Variants in TBC1D22B observed in about 807,000 individuals in gnomAD.
TBC1D22B encodes the protein chromosome 6 open reading frame 197.
In TBC1D22B, 32 loss-of-function variants were observed where a neutral mutation model predicts 69.1. The ratio of observed to expected loss-of-function variants is 0.46; its 90% CI spans 0.35 to 0.62. The LOEUF is 0.62. Ranked by LOEUF, TBC1D22B falls within the 20% of genes least tolerant of loss-of-function variation. The pLI is 0.00. For synonymous variants in TBC1D22B, 206 were observed against 229.8 expected (o/e 0.90, Z 0.94); for missense variants, 462 against 630.9 (o/e 0.73, Z 2.87).
intron 8 of TBC1D22B, among the ~76,000 whole-genome samples, chr6:37,298,766 C>G (rs540092856): frequency 1.3e-5 from 2 of 152,130 alleles, no homozygotes; most frequent in South Asian, 2.1e-4. Flanking sequence ...AGGATGGTCT[C>G]GATCTCCTGA....
intron 1 of TBC1D22B, among the ~76,000 whole-genome samples, chr6:37,263,257 G>A (rs1247716546): frequency 6.6e-6 from 1 of 152,320 alleles, no homozygotes; most frequent in East Asian, 1.9e-4. Flanking sequence ...AAGATGCTGT[G>A]TATGATTGAC....
chr6:37,316,177 A>G (rs1241384654), intron 10 of TBC1D22B, among the ~76,000 whole-genome samples: 1 of 152,240 alleles, frequency 6.6e-6, no homozygotes, highest in Non-Finnish European at 1.5e-5. Context: ...TTTGTTGAAT[A>G]TGGTGAAGCG....
intron 1 of TBC1D22B, 92 bp downstream of exon 1, chr6:37,258,065 G>A: frequency 7.0e-7 from 1 of 1,426,620 alleles, no homozygotes; most frequent in Non-Finnish European, 9.5e-7. Flanking sequence ...CGCCACAGAG[G>A]CCAGAAGACT....
intron 2 of TBC1D22B, among the ~76,000 whole-genome samples, chr6:37,273,411 G>A (rs1441076219): frequency 2.0e-5 from 3 of 152,170 alleles, no homozygotes; most frequent in Admixed American, 1.3e-4. Context: ...GGCACTGAGT[G>A]TAGTGTCCAT....
At chr6:37,283,032 G>A (rs1054200064) in intron 5 of TBC1D22B, 80 bp downstream of exon 5, 3 of 1,248,310 alleles carry the variant, frequency 2.4e-6, no homozygotes, top group Non-Finnish European at 2.3e-6. Flanking sequence ...GGACACATTG[G>A]TCTTAACTCC....
At chr6:37,282,400 T>A (rs1307175365) in intron 4 of TBC1D22B, 36 bp downstream of exon 4, 1 of 1,534,302 alleles carries the variant, frequency 6.5e-7, no homozygotes, top group African/African-American at 1.4e-5. Context: ...GTAGGAGCTT[T>A]GGGTGACTGG....
At chr6:37,288,141 T>G (rs554020927) in intron 7 of TBC1D22B, among the ~76,000 whole-genome samples, 6 of 152,348 alleles carry the variant, frequency 3.9e-5, no homozygotes, top group African/African-American at 1.4e-4. Flanking sequence ...TTGGGTTATA[T>G]TTATAATTTT....
chr6:37,289,743 A>G (rs1367131726), intron 7 of TBC1D22B, among the ~76,000 whole-genome samples: 1 of 152,208 alleles, frequency 6.6e-6, no homozygotes, highest in African/African-American at 2.4e-5. Context: ...GGAATTATTG[A>G]GATTTTCCTG....
chr6:37,331,509 A>G lies in TBC1D22B; in HGVS notation c.*337A>G, dbSNP rs1768581940. 1.6e-5 allele frequency: 3 copies of G among 189,312 alleles called. No individual in the cohort carries two copies. The East Asian group carries it at 3.9e-4, about 24-fold the overall frequency. The allele number at this position is 189,312 out of a possible 1,614,324, so 11.7% of individuals were successfully genotyped here. ...ATTGTCCCTACAAGGACAGGCCCCAACTGATAACCGTTGCTTTTTTTTTTT... is the reference window on the plus strand; with the variant it reads ...ATTGTCCCTACAAGGACAGGCCCCAGCTGATAACCGTTGCTTTTTTTTTTT... On this transcript the variant is annotated 3_prime_UTR_variant, in exon 13 of 13. Coordinates refer to ENST00000373491, the MANE Select transcript of TBC1D22B (RefSeq NM_017772.4).
At chr6:37,269,776 G>C (rs1766423543) in intron 2 of TBC1D22B, 126 bp downstream of exon 2, 1 of 801,002 alleles carries the variant, frequency 1.2e-6, no homozygotes, top group Admixed American at 2.1e-5. Context: ...TTTGGACCAG[G>C]AGATGAGCAA....
rs112108788 is a variant in TBC1D22B, at chr6:37,317,383, G to C, written c.1389+177G>C. 4.1e-3 allele frequency among the ~76,000 whole-genome samples: 620 copies of C among 152,318 alleles called. 1 individual carries two copies. The highest frequency in any genetic ancestry group is 0.012 in the African/African-American group (506 of 41,568). On this transcript the variant is annotated intron_variant, in intron 12 of 12. Coordinates refer to ENST00000373491, the MANE Select transcript of TBC1D22B (RefSeq NM_017772.4). ...GTTGGCAGGAAGTCACTGGAGCCCA[G>C]GGGTTCTTCAGTGTGAGAAGGGTGT...
chr6:37,281,742 G>A (rs1766836486), intron 3 of TBC1D22B, among the ~76,000 whole-genome samples: 1 of 152,168 alleles, frequency 6.6e-6, no homozygotes, highest in Admixed American at 6.5e-5. Flanking sequence ...GTGTGGAATG[G>A]GAAGGAAAAC....
rs1228175963 is a variant in TBC1D22B, at chr6:37,287,058, C to T, written c.853C>T (p.Pro285Ser). ...TNPLIPLFQQPLVQEIFERIL... is the reference protein window; with the variant it reads ...TNPLIPLFQQSLVQEIFERIL... Reference sequence around the variant, plus strand: ...TCCTCTCATTCCGTTGTTCCAGCAACCACTTGTACAGGAGGTGAGGGAATT... The same window carrying T: ...TCCTCTCATTCCGTTGTTCCAGCAATCACTTGTACAGGAGGTGAGGGAATT... Residue 285 changes from proline (P) to serine (S), a missense_variant, in exon 7 of 13, where the codon CCA (proline) becomes TCA (serine). Physicochemically the swap from Pro to Ser is moderately conservative, Grantham distance 74 (BLOSUM62 -1). Around this residue, in one of 2 missense-constraint regions of TBC1D22B, gnomAD observed 225 missense variants for 375.4 expected, o/e 0.60. Transcript: ENST00000373491. The T allele has an allele frequency of 3.7e-6, 6 of 1,603,726 alleles. No individual in the cohort carries two copies. In the South Asian group the frequency reaches 4.5e-5, roughly 12 times the overall value.
At chr6:37,300,928 T>G (rs1219461127) in intron 8 of TBC1D22B, among the ~76,000 whole-genome samples, 1 of 152,240 alleles carries the variant, frequency 6.6e-6, no homozygotes, top group Non-Finnish European at 1.5e-5. Context: ...TCATCTTGCC[T>G]ACAGTTGTCA....
chr6:37,286,931 C>T (rs755577811), intron 6 of TBC1D22B, 76 bp from the exon 7 acceptor site: 39 of 1,340,474 alleles, frequency 2.9e-5, no homozygotes, highest in Admixed American at 5.7e-5. Context: ...GGGACAAGAG[C>T]GAGACTTCAT....
At chr6:37,271,087 C>T (rs1474235837) in intron 2 of TBC1D22B, among the ~76,000 whole-genome samples, 6 of 152,002 alleles carry the variant, frequency 3.9e-5, no homozygotes, top group South Asian at 2.1e-4. Flanking sequence ...CGGAGGTGGG[C>T]GGATCACTTG....
chr6:37,286,368 T>A (rs1767005670), intron 6 of TBC1D22B, among the ~76,000 whole-genome samples: 1 of 150,908 alleles, frequency 6.6e-6, no homozygotes, highest in South Asian at 2.1e-4. Flanking sequence ...CAGGCTGGAG[T>A]GCAGTGGCCC....
rs907013732 is a variant in TBC1D22B at position 37,332,772 on chromosome 6, C to T, written c.*1600C>T. 1 of 152,744 alleles carries T rather than the reference C, an allele frequency of 6.5e-6. No homozygotes were observed. 9.5% of individuals were successfully genotyped at this position (152,744 alleles called of 1,614,324 possible). A position where few individuals can be genotyped will look rare whatever the true frequency, so the allele number is the denominator to read the frequency against. ...TTTCTCAGGCATTCTTCCCAACCCTCTTCCTTTTCCCCTTCGGTGTGCCTC... is the reference window on the plus strand; with the variant it reads ...TTTCTCAGGCATTCTTCCCAACCCTTTTCCTTTTCCCCTTCGGTGTGCCTC... On this transcript the variant is annotated 3_prime_UTR_variant, in exon 13 of 13. Transcript: ENST00000373491.
rs1478020886 is a variant in TBC1D22B, at chr6:37,331,400, G to C, written c.*228G>C. ...CGCGTGGATGGGCCCAGTTCTGGGAGAGGACAGAAAAGGTGGTACAGGGTT... is the reference window on the plus strand; with the variant it reads ...CGCGTGGATGGGCCCAGTTCTGGGACAGGACAGAAAAGGTGGTACAGGGTT... On this transcript the variant is annotated 3_prime_UTR_variant, in exon 13 of 13. Transcript: ENST00000373491. 2 of 491,848 alleles carry C rather than the reference G, an allele frequency of 4.1e-6. No individual in the cohort carries two copies. Among genetic ancestry groups the C allele is most frequent in the African/African-American group, 3.9e-5 (2 of 51,612 alleles). The allele number at this position is 491,848 out of a possible 1,614,324, so 30.5% of individuals were successfully genotyped here. A position where few individuals can be genotyped will look rare whatever the true frequency, so the allele number is the denominator to read the frequency against.
Sources: gnomAD v4.1 joint callset for allele counts (sites outside exome capture counted in the v4.1 genomes callset) on GRCh38, gnomAD v4.1.1 for gene constraint, gnomAD v4.1.1 regional missense constraint, MANE v1.5 for transcripts, NCBI Gene and HGNC (gene_info 2026-07-23, HGNC 2026-07-21) for gene names.